Variants in SHANK2 observed in about 807,000 individuals in gnomAD.
SHANK2 encodes the protein SH3 and multiple ankyrin repeat domains 2, also known as SH3 and multiple ankyrin repeat domains protein 2.
In SHANK2, 43 loss-of-function variants were observed where a neutral mutation model predicts 133.7. That is an observed-to-expected ratio of 0.32 (90% CI 0.25 to 0.41). The LOEUF (loss-of-function observed/expected upper bound fraction) is 0.41. SHANK2 is among the 10% of genes least tolerant of loss of function. The pLI, the probability that SHANK2 is intolerant of heterozygous loss-of-function variation, is 1.00. For synonymous variants in SHANK2, 1,017 were observed against 952.8 expected (o/e 1.07, Z -1.24); for missense variants, 1,994 against 2,235.8 (o/e 0.89, Z 2.18).
At chr11:70,656,367 C>T (rs2134240615) in intron 17 of SHANK2, among the ~76,000 whole-genome samples, 1 of 152,140 alleles carries the variant, frequency 6.6e-6, no homozygotes, top group East Asian at 1.9e-4. Context: ...CCATCCTCAC[C>T]TCTGACCTGC....
At chr11:70,946,644 G>GCA (rs1950743530) in intron 10 of SHANK2, among the ~76,000 whole-genome samples, 1 of 74,066 alleles carries the variant, frequency 1.4e-5, no homozygotes, top group African/African-American at 5.6e-5. Context: ...CTCCCTCTCT[G>GCA]CTAACCAACT....
At chr11:70,571,780 G>T (rs2060048450) in intron 17 of SHANK2, among the ~76,000 whole-genome samples, 1 of 152,094 alleles carries the variant, frequency 6.6e-6, no homozygotes, top group African/African-American at 2.4e-5. Flanking sequence ...CCTGAGGAGA[G>T]GGAGGGGTGC....
intron 14 of SHANK2, among the ~76,000 whole-genome samples, chr11:70,731,854 G>A (rs1332023562): frequency 2.0e-5 from 3 of 152,318 alleles, no homozygotes; most frequent in East Asian, 3.9e-4. Flanking sequence ...CGGCTGATGA[G>A]CAGCCCTCGT....
At position 70,599,893 on chromosome 11, in the gene SHANK2, G is replaced by GAAAGAAAGAAAGAAAGAAAGAAAGAA. The variant is rs1565166159; in HGVS notation, c.2061+59934_2061+59935insTTCTTTCTTTCTTTCTTTCTTTCTTT. On this transcript the variant is annotated intron_variant, in intron 17 of 25. Coordinates refer to ENST00000601538, the MANE Select transcript of SHANK2 (RefSeq NM_012309.5). ...AAAGAAAGAAAGAAAGAAAGAAAAA[G>GAAAGAAAGAAAGAAAGAAAGAAAGAA]AAAGAAAGAAAGAGAAAGAAAGAAA... 1.6e-4 allele frequency among the ~76,000 whole-genome samples: 15 copies of GAAAGAAAGAAAGAAAGAAAGAAAGAA among 92,530 alleles called. 1 individual carries two copies. The highest frequency in any genetic ancestry group is 2.2e-4 in the African/African-American group (5 of 23,034). 60.7% of individuals were successfully genotyped at this position (92,530 alleles called of 152,430 possible). A position where few individuals can be genotyped will look rare whatever the true frequency, so the allele number is the denominator to read the frequency against.
At chr11:70,599,937 A>AAAAGAAAGAAAGAAAG (rs1565166586) in intron 17 of SHANK2, among the ~76,000 whole-genome samples, 13 of 101,890 alleles carry the variant, frequency 1.3e-4, no homozygotes, top group African/African-American at 4.3e-4. Flanking sequence ...GAAAGAAAGA[A>AAAAGAAAGAAAGAAAG]AGAAAGAAAG....
chr11:71,096,040 T>C (rs1951606140), intron 6 of SHANK2, among the ~76,000 whole-genome samples: 1 of 145,658 alleles, frequency 6.9e-6, no homozygotes, highest in African/African-American at 2.5e-5. Flanking sequence ...ATTCATCCTG[T>C]CTCCATGTGA....
intron 10 of SHANK2, among the ~76,000 whole-genome samples, chr11:70,922,507 GC>G (rs1311500763): frequency 8.5e-5 from 13 of 152,124 alleles, no homozygotes; most frequent in African/African-American, 2.6e-4. Flanking sequence ...ATAGCAAATG[GC>G]CATTATCTAC....
At chr11:70,743,879 T>C (rs1457686707) in intron 14 of SHANK2, among the ~76,000 whole-genome samples, 20 of 152,170 alleles carry the variant, frequency 1.3e-4, no homozygotes, top group African/African-American at 4.8e-4. Context: ...CACCCCCACA[T>C]GGCTCTTTGT....
At chr11:71,223,201 C>T (rs894222969) in intron 2 of SHANK2, among the ~76,000 whole-genome samples, 1 of 152,156 alleles carries the variant, frequency 6.6e-6, no homozygotes, top group Non-Finnish European at 1.5e-5. Context: ...CGCCCAACTG[C>T]GATGGTGGCC....
intron 15 of SHANK2, among the ~76,000 whole-genome samples, chr11:70,667,302 G>A (rs535167563): frequency 6.6e-6 from 1 of 152,130 alleles, no homozygotes; most frequent in African/African-American, 2.4e-5. Context: ...TTGGAGGAGA[G>A]AGCATCAAAG....
At chr11:70,884,658 C>A (rs1387935168) in intron 11 of SHANK2, among the ~76,000 whole-genome samples, 4 of 152,258 alleles carry the variant, frequency 2.6e-5, no homozygotes, top group Admixed American at 6.5e-5. Context: ...CGGTCCCCCC[C>A]ACCGAGTGTT....
chr11:71,234,183 T>TAAAAAA (rs71049965), intron 1 of SHANK2, among the ~76,000 whole-genome samples: 1 of 35,478 alleles, frequency 2.8e-5, no homozygotes, highest in Admixed American at 5.0e-4. Flanking sequence ...CCCTCTCTAC[T>TAAAAAA]AAAAAAAAAA....
chr11:70,718,378 G>A (rs1317279571), intron 14 of SHANK2, among the ~76,000 whole-genome samples: 12 of 152,216 alleles, frequency 7.9e-5, no homozygotes, highest in East Asian at 1.9e-4. Context: ...ACTGCGCCTC[G>A]GTGGAGGTGG....
intron 14 of SHANK2, among the ~76,000 whole-genome samples, chr11:70,741,001 T>C (rs1235170575): frequency 6.6e-6 from 1 of 152,144 alleles, no homozygotes; most frequent in African/African-American, 2.4e-5. Flanking sequence ...GTTATTTGTG[T>C]TATCTCTTGC....
At chr11:71,082,305 G>T (rs1338255656) in intron 8 of SHANK2, among the ~76,000 whole-genome samples, 1 of 152,210 alleles carries the variant, frequency 6.6e-6, no homozygotes, top group Non-Finnish European at 1.5e-5. Flanking sequence ...TCACTGCGGT[G>T]CCTGAACAGT....
intron 2 of SHANK2, among the ~76,000 whole-genome samples, chr11:71,192,061 G>A (rs372693505): frequency 1.3e-3 from 200 of 150,676 alleles, no homozygotes; most frequent in African/African-American, 4.6e-3. Context: ...GGGTTTCACC[G>A]TGTCGACCAG....
chr11:71,156,948 T>C (rs1797816686), intron 2 of SHANK2, among the ~76,000 whole-genome samples: 1 of 152,162 alleles, frequency 6.6e-6, no homozygotes, highest in Admixed American at 6.5e-5. Flanking sequence ...CATGGCCCAC[T>C]GAGGCCAGCA....
At chr11:70,838,269 A>G (rs1359639121) in intron 11 of SHANK2, among the ~76,000 whole-genome samples, 1 of 152,146 alleles carries the variant, frequency 6.6e-6, no homozygotes, top group Non-Finnish European at 1.5e-5. Flanking sequence ...TGGTTATCTT[A>G]GGTCCTTGTG....
chr11:70,678,426 G>A (rs1180006964), intron 15 of SHANK2, among the ~76,000 whole-genome samples: 4 of 150,424 alleles, frequency 2.7e-5, no homozygotes, highest in Non-Finnish European at 3.0e-5. Flanking sequence ...GAGCCACCAC[G>A]CCCAGCCTCC....
Sources: allele counts gnomAD v4.1 joint callset (sites outside exome capture counted in the v4.1 genomes callset), GRCh38; gene constraint gnomAD v4.1.1; transcripts MANE v1.5; gene names NCBI Gene and HGNC (gene_info 2026-07-23, HGNC 2026-07-21).